The following LIN9 variants were observed in gnomAD, a reference collection of about 807,000 sequenced individuals.
LIN9 encodes the protein protein lin-9 homolog.
A neutral mutation model predicts 78.0 loss-of-function variants in LIN9; 18 were observed. The ratio of observed to expected loss-of-function variants is 0.23; its 90% CI spans 0.16 to 0.34. The LOEUF (loss-of-function observed/expected upper bound fraction) is 0.34. LIN9 is among the 10% of genes least tolerant of loss of function. LIN9 has a pLI of 1.00. For missense variants in LIN9, 451 were observed against 644.1 expected, an observed-to-expected ratio of 0.70 and a Z score of 3.25; for synonymous variants, 192 against 215.2, an observed-to-expected ratio of 0.89 and a Z score of 0.94.
intron 1 of LIN9, among the ~76,000 whole-genome samples, chr1:226,302,412 G>A (rs754010504): frequency 5.9e-5 from 9 of 152,028 alleles, no homozygotes; most frequent in Non-Finnish European, 1.2e-4. Context: ...GTGTGGTGGC[G>A]AGCACCTGTA....
At chr1:226,271,280 T>C (rs1215766219) in intron 7 of LIN9, among the ~76,000 whole-genome samples, 1 of 152,208 alleles carries the variant, frequency 6.6e-6, no homozygotes, top group Non-Finnish European at 1.5e-5. Flanking sequence ...CAAAGTCCAG[T>C]CACTTTTTAC....
In LIN9 at chr1:226,233,477, A is replaced by T; in HGVS notation, c.1292T>A (p.Met431Lys). 6.2e-7 allele frequency: 1 copy of T among 1,614,160 alleles called. No individual in the cohort carries two copies. Among genetic ancestry groups the T allele is most frequent in the Non-Finnish European group, 8.5e-7 (1 of 1,180,014 alleles). The change falls in exon 13 of 15, where the codon ATG becomes AAG. Residue 431 changes from methionine (M) to lysine (K), a missense_variant. Transcript: ENST00000681046. ...GLQPADQPTD[M>K]RRRCEEEAQE... ...TGCTTCTTCCTCACACCTGCGTCTC[A>T]TATCTGTTGGCTGATCTGCAGGCTG...
At chr1:226,270,398 A>G (rs1258910852) in intron 7 of LIN9, among the ~76,000 whole-genome samples, 2 of 152,224 alleles carry the variant, frequency 1.3e-5, no homozygotes, top group African/African-American at 2.4e-5. Context: ...TTGCTACAAT[A>G]TATTATCTGA....
intron 7 of LIN9, 124 bp downstream of exon 7, chr1:226,277,651 C>T (rs544247464): frequency 9.4e-6 from 8 of 852,758 alleles, no homozygotes; most frequent in Middle Eastern, 3.6e-4. Flanking sequence ...TGAGGGTTAA[C>T]GATGTCTATT....
chr1:226,239,212 G>T, intron 11 of LIN9, 116 bp from the exon 12 acceptor site: 1 of 1,042,864 alleles, frequency 9.6e-7, no homozygotes, highest in Non-Finnish European at 1.4e-6. Flanking sequence ...TATTAAATTT[G>T]TCTGTTTTAA....
intron 8 of LIN9, among the ~76,000 whole-genome samples, chr1:226,266,782 CTT>C (rs200745559): frequency 6.4e-5 from 9 of 141,496 alleles, no homozygotes; most frequent in Non-Finnish European, 7.8e-5. Context: ...AAGCAATTTA[CTT>C]TTTTTTTTTT....
intron 10 of LIN9, among the ~76,000 whole-genome samples, chr1:226,255,038 G>A (rs892518643): frequency 1.3e-5 from 2 of 152,058 alleles, no homozygotes; most frequent in Non-Finnish European, 2.9e-5. Flanking sequence ...ATTTACTGGA[G>A]CAGAAACCCA....
At chr1:226,289,222 G>A (rs1161161504) in intron 4 of LIN9, among the ~76,000 whole-genome samples, 1 of 150,406 alleles carries the variant, frequency 6.6e-6, no homozygotes, top group Non-Finnish European at 1.5e-5. Flanking sequence ...GCGACAGAGT[G>A]AGACTCCATG....
At chr1:226,300,387 C>G (rs1215978044) in intron 2 of LIN9, among the ~76,000 whole-genome samples, 1 of 150,810 alleles carries the variant, frequency 6.6e-6, no homozygotes, top group Non-Finnish European at 1.5e-5. Flanking sequence ...CTCCTCTCTA[C>G]AAAAAATAAA....
At chr1:226,244,036 G>A (rs901139512) in intron 11 of LIN9, among the ~76,000 whole-genome samples, 8 of 151,286 alleles carry the variant, frequency 5.3e-5, no homozygotes, top group East Asian at 2.1e-4. Context: ...TACCTGCGCC[G>A]GGCTAAGTTT....
intron 7 of LIN9, among the ~76,000 whole-genome samples, chr1:226,272,767 G>A (rs1336341737): frequency 5.9e-5 from 9 of 151,906 alleles, no homozygotes; most frequent in South Asian, 4.1e-4. Flanking sequence ...AGGCTAAGCC[G>A]TCACAGCTGT....
chr1:226,233,169 T>G lies in LIN9; in HGVS notation c.1450A>C (p.Asn484His). ...IKCLAEGGDL[N>H]SFEFKSLTDS... ...GTAAGTGATTTGAATTCAAAGGAAT[T>G]CAGGTCTCCTCCTTCTGCTAGACAC... Residue 484 changes from asparagine to histidine, a missense_variant, in exon 14 of 15, where the codon AAT (asparagine) becomes CAT (histidine). By Grantham distance (68) the Asn-to-His change is moderately conservative. Transcript: ENST00000681046. 6.2e-7 allele frequency: 1 copy of G among 1,607,896 alleles called. No homozygotes were observed. The highest frequency in any genetic ancestry group is 8.5e-7 in the Non-Finnish European group (1 of 1,178,082).
At chr1:226,297,255 A>G (rs1051260369) in intron 3 of LIN9, among the ~76,000 whole-genome samples, 10 of 152,340 alleles carry the variant, frequency 6.6e-5, no homozygotes, top group East Asian at 1.9e-4. Flanking sequence ...GCTACCTGGC[A>G]GGGCAGGAGA....
chr1:226,296,549 C>G (rs1467107734), intron 3 of LIN9, among the ~76,000 whole-genome samples: 1 of 152,162 alleles, frequency 6.6e-6, no homozygotes, highest in Admixed American at 6.5e-5. Context: ...AAAGATTTTA[C>G]AGTTCACCCT....
chr1:226,279,159 T>C (rs898354775), intron 6 of LIN9, among the ~76,000 whole-genome samples: 3 of 151,622 alleles, frequency 2.0e-5, no homozygotes, highest in African/African-American at 7.3e-5. Context: ...AGACTCCGTC[T>C]TGGGGGAAAA....
Position 226,259,179 on chromosome 1 carries a change from C to T in LIN9, c.1038+6354G>A, listed in dbSNP as rs147925442. ...TTCACCACATTGGCCAGGCTGGTCTCGAATTCCTGACCTCAAGTGATCTGC... is the reference window on the plus strand; with the variant it reads ...TTCACCACATTGGCCAGGCTGGTCTTGAATTCCTGACCTCAAGTGATCTGC... On this transcript the variant is annotated intron_variant, in intron 10 of 14. Transcript: ENST00000681046. 7.3e-3 allele frequency among the ~76,000 whole-genome samples: 1,111 copies of T among 151,894 alleles called. 20 individuals are homozygous for T. The highest frequency in any genetic ancestry group is 0.026 in the African/African-American group (1,059 of 41,440).
At position 226,287,757 on chromosome 1, in the gene LIN9, G is replaced by A; in HGVS notation, c.305C>T (p.Ser102Leu). The A allele has an allele frequency of 6.4e-7, 1 of 1,552,666 alleles. No homozygotes were observed. Among genetic ancestry groups the A allele is most frequent in the Non-Finnish European group, 8.6e-7 (1 of 1,160,578 alleles). The change falls in exon 5 of 15, where the codon TCA becomes TTA. Residue 102 changes from serine (S) to leucine (L), a missense_variant. Physicochemically the swap from Ser to Leu is moderately radical, Grantham distance 145 (BLOSUM62 -2). Transcript: ENST00000681046. Reference sequence around the variant, plus strand: ...ACGTAATCGAAAACCAATCTTCTGTGAAGCTTTCTTATCTGGTGTTGACAT... The same window carrying A: ...ACGTAATCGAAAACCAATCTTCTGTAAAGCTTTCTTATCTGGTGTTGACAT... ...ATMSTPDKKA[S>L]QKIGFRLRNL...
chr1:226,267,745 A>G (rs1245481514), intron 8 of LIN9, among the ~76,000 whole-genome samples: 1 of 152,202 alleles, frequency 6.6e-6, no homozygotes, highest in African/African-American at 2.4e-5. Flanking sequence ...TGTGTCGTTA[A>G]GGTCCAACAG....
At chr1:226,271,871 T>G (rs1436974180) in intron 7 of LIN9, among the ~76,000 whole-genome samples, 1 of 152,208 alleles carries the variant, frequency 6.6e-6, no homozygotes, top group Non-Finnish European at 1.5e-5. Context: ...ACTGTCTTGA[T>G]GCCTGTTTTT....
Sources: gnomAD v4.1 joint callset for allele counts (sites outside exome capture counted in the v4.1 genomes callset) on GRCh38, gnomAD v4.1.1 for gene constraint, MANE v1.5 for transcripts, NCBI Gene and HGNC (gene_info 2026-07-23, HGNC 2026-07-21) for gene names.